ATP9B: variants seen among roughly 807,000 people sequenced by gnomAD.
ATP9B encodes the protein ATPase phospholipid transporting 9B, also known as probable phospholipid-transporting ATPase IIB.
In ATP9B, 110 loss-of-function variants were observed where a neutral mutation model predicts 146.1. The ratio of observed to expected loss-of-function variants is 0.75; its 90% CI spans 0.65 to 0.88. The LOEUF is 0.88. ATP9B is among the 40% of genes least tolerant of loss of function. The pLI is 0.00. For synonymous variants in ATP9B, 604 were observed against 569.7 expected, an observed-to-expected ratio of 1.06 and a Z score of -0.86; for missense variants, 1,499 against 1,496.4, an observed-to-expected ratio of 1.00 and a Z score of -0.03.
Position 79,234,711 on chromosome 18 carries a change from G to A in ATP9B, c.1108-18670G>A, listed in dbSNP as rs1013067667. 6.6e-5 allele frequency among the ~76,000 whole-genome samples: 10 copies of A among 152,108 alleles called. No individual in the cohort carries two copies. In the East Asian group the frequency reaches 1.9e-3, roughly 29 times the overall value. ...TGGGTGTGCTGCTGTAAGCATGCTT[G>A]CTGTGGGCTTGCTGCTGTGGCTGCG... is the stretch of plus-strand genomic sequence containing the variant. On this transcript the variant is annotated intron_variant, in intron 11 of 29. Coordinates refer to ENST00000426216, the MANE Select transcript of ATP9B (RefSeq NM_198531.5).
chr18:79,264,653 A>G (rs1177753199), intron 12 of ATP9B, among the ~76,000 whole-genome samples: 1 of 142,930 alleles, frequency 7.0e-6, no homozygotes, highest in Non-Finnish European at 1.5e-5. Context: ...TTTTCCTTTG[A>G]CCACTGTAAG....
chr18:79,371,799 A>G (rs891423172), intron 26 of ATP9B, among the ~76,000 whole-genome samples: 33 of 152,178 alleles, frequency 2.2e-4, no homozygotes, highest in African/African-American at 7.0e-4. Context: ...GTGGCTCTTT[A>G]AACCACTTCC....
At chr18:79,351,886 TG>T (rs1411114634) in intron 25 of ATP9B, among the ~76,000 whole-genome samples, 1 of 152,074 alleles carries the variant, frequency 6.6e-6, no homozygotes, top group Non-Finnish European at 1.5e-5. Context: ...GGGAGGTTCC[TG>T]TGACCCCCAA....
Position 79,214,097 on chromosome 18 carries a change from GTC to G in ATP9B, c.1107+61_1107+62del, listed in dbSNP as rs1350591931. ...ACTTATTTTTCCTTTCAGTAAGAAA[GTC>G]TGCATAGTTCTGAATAGCTCATTCT... is the stretch of plus-strand genomic sequence containing the variant. On this transcript the variant is annotated intron_variant, in intron 11 of 29. Coordinates refer to ENST00000426216, the MANE Select transcript of ATP9B (RefSeq NM_198531.5). 3.1e-6 allele frequency: 4 copies of G among 1,282,098 alleles called. No homozygotes were observed. In the African/African-American group the frequency reaches 6.1e-5, roughly 20 times the overall value. The allele number at this position is 1,282,098 out of a possible 1,614,324, so 79.4% of individuals were successfully genotyped here. A position where few individuals can be genotyped will look rare whatever the true frequency, so the allele number is the denominator to read the frequency against.
chr18:79,154,726 GAA>G (rs1444549552), intron 7 of ATP9B, among the ~76,000 whole-genome samples, 171 bp downstream of exon 7: 9 of 152,140 alleles, frequency 5.9e-5, no homozygotes, highest in Non-Finnish European at 1.3e-4. Flanking sequence ...TGAAACCTCT[GAA>G]AAGAGAGTCC....
At chr18:79,158,737 T>A (rs560293580) in intron 7 of ATP9B, among the ~76,000 whole-genome samples, 1 of 152,364 alleles carries the variant, frequency 6.6e-6, no homozygotes, top group South Asian at 2.1e-4. Flanking sequence ...TTATTCACAT[T>A]TGTGAAAAAT....
At chr18:79,159,130 G>T (rs1223955921) in intron 7 of ATP9B, among the ~76,000 whole-genome samples, 1 of 151,906 alleles carries the variant, frequency 6.6e-6, no homozygotes, top group Non-Finnish European at 1.5e-5. Context: ...CTACCTATTT[G>T]TGTCTTTGAA....
intron 26 of ATP9B, among the ~76,000 whole-genome samples, chr18:79,370,938 T>A (rs1016056551): frequency 6.6e-6 from 1 of 152,224 alleles, no homozygotes; most frequent in Non-Finnish European, 1.5e-5. Context: ...AGCCACATAC[T>A]TAATTACAGA....
At position 79,083,359 on chromosome 18, in the gene ATP9B, C is replaced by T. The variant is rs548251100; in HGVS notation, c.120-13117C>T. 1.4e-3 allele frequency among the ~76,000 whole-genome samples: 211 copies of T among 152,284 alleles called. 1 individual carries two copies. Among genetic ancestry groups the T allele is most frequent in the African/African-American group, 4.7e-3 (194 of 41,542 alleles). On this transcript the variant is annotated intron_variant, in intron 1 of 29. Coordinates refer to ENST00000426216, the MANE Select transcript of ATP9B (RefSeq NM_198531.5). ...TGCTGGGCTCCGTGGGGGTGGGATTCGCTGAGGTAGATCACTTGGCTCCCT... is the reference window on the plus strand; with the variant it reads ...TGCTGGGCTCCGTGGGGGTGGGATTTGCTGAGGTAGATCACTTGGCTCCCT...
chr18:79,180,904 T>A (rs2095243864), intron 8 of ATP9B, among the ~76,000 whole-genome samples: 1 of 152,088 alleles, frequency 6.6e-6, no homozygotes, highest in African/African-American at 2.4e-5. Context: ...GCAATTCTCC[T>A]GTCTCAGCTC....
intron 26 of ATP9B, 62 bp from the exon 27 acceptor site, chr18:79,372,763 G>A: frequency 1.8e-6 from 2 of 1,111,606 alleles, no homozygotes; most frequent in Non-Finnish European, 2.8e-6. Context: ...GCTCACTCCT[G>A]GAAGGCGTGA....
chr18:79,074,403 C>G (rs1384402924), intron 1 of ATP9B, among the ~76,000 whole-genome samples: 2 of 152,196 alleles, frequency 1.3e-5, no homozygotes, highest in Non-Finnish European at 2.9e-5. Flanking sequence ...GGCAGAATCC[C>G]TATTGCTGGT....
At position 79,347,885 on chromosome 18, in the gene ATP9B, A is replaced by C; in HGVS notation, c.2798A>C (p.Gln933Pro). ...NSYKRSAALG[Q>P]FVMHRGLIIS... Reference sequence around the variant, plus strand: ...TACAAGAGGTCGGCGGCACTCGGCCAGTTCGTCATGCACAGGGGCCTTATC... The same window carrying C: ...TACAAGAGGTCGGCGGCACTCGGCCCGTTCGTCATGCACAGGGGCCTTATC... Residue 933 changes from glutamine to proline, a missense_variant, in exon 24 of 30, where the codon CAG becomes CCG. Physicochemically the swap from Gln to Pro is moderately conservative, Grantham distance 76. Transcript: ENST00000426216. The C allele has an allele frequency of 6.2e-7, 1 of 1,613,940 alleles. No individual in the cohort carries two copies. The highest frequency in any genetic ancestry group is 2.2e-5 in the East Asian group (1 of 44,864).
intron 8 of ATP9B, among the ~76,000 whole-genome samples, chr18:79,189,157 A>G (rs1245067666): frequency 6.6e-6 from 1 of 152,036 alleles, no homozygotes; most frequent in Admixed American, 6.6e-5. Flanking sequence ...GACCAGTCTG[A>G]CCAATATGGT....
intron 11 of ATP9B, 71 bp from the exon 12 acceptor site, chr18:79,253,310 C>G (rs2096048558): frequency 7.4e-7 from 1 of 1,358,592 alleles, no homozygotes; most frequent in Non-Finnish European, 1.0e-6. Context: ...TCATCACTAC[C>G]ATGCATTCTG....
rs542670458 is a variant in ATP9B at position 79,107,839 on chromosome 18, C to T, written c.294-2516C>T. 3.9e-5 allele frequency among the ~76,000 whole-genome samples: 6 copies of T among 152,204 alleles called. No individual in the cohort carries two copies. The East Asian group carries it at 5.8e-4, about 15-fold the overall frequency. ...GTGAATGGACATGATACTGATGTGG[C>T]GGGAGGTTGAGATCCAGGCTCTCGT... is the stretch of plus-strand genomic sequence containing the variant. On this transcript the variant is annotated intron_variant, in intron 2 of 29. Transcript: ENST00000426216.
At chr18:79,208,450 A>G (rs148778822) in intron 10 of ATP9B, among the ~76,000 whole-genome samples, 72 of 152,286 alleles carry the variant, frequency 4.7e-4, no homozygotes, top group African/African-American at 1.6e-3. Context: ...TGCTAGGCCC[A>G]TGGAGAAGGC....
intron 1 of ATP9B, among the ~76,000 whole-genome samples, chr18:79,073,767 A>T (rs979040902): frequency 1.3e-5 from 2 of 152,134 alleles, no homozygotes; most frequent in Admixed American, 1.3e-4. Context: ...TATTTCTGTT[A>T]TTGTATTTCT....
chr18:79,327,795 G>GCT (rs2096764732), intron 15 of ATP9B, among the ~76,000 whole-genome samples: 1 of 129,580 alleles, frequency 7.7e-6, no homozygotes. Context: ...TGGTTAGCGT[G>GCT]CTCTCCGTGG....
Sources: gnomAD v4.1 joint callset for allele counts (sites outside exome capture counted in the v4.1 genomes callset) on GRCh38, gnomAD v4.1.1 for gene constraint, MANE v1.5 for transcripts, NCBI Gene and HGNC (gene_info 2026-07-23, HGNC 2026-07-21) for gene names.